Variants in HCN1 observed in about 807,000 individuals in gnomAD.
The protein encoded by HCN1 is potassium/sodium hyperpolarization-activated cyclic nucleotide-gated channel 1.
HCN1 carries 13 observed loss-of-function variants against 78.9 expected under a neutral mutation model. The ratio of observed to expected loss-of-function variants is 0.16; its 90% CI spans 0.11 to 0.26. The LOEUF is 0.26. Among genes scored for constraint, HCN1 ranks in the 10% least tolerant of loss-of-function variants. The pLI is 1.00. For missense variants in HCN1, 810 were observed against 1,154.3 expected, an observed-to-expected ratio of 0.70 and a Z score of 4.32; for synonymous variants, 552 against 455.5, an observed-to-expected ratio of 1.21 and a Z score of -2.70.
At position 45,362,888 on chromosome 5, in the gene HCN1, T is replaced by C. The variant is rs568080753; in HGVS notation, c.1231-9642A>G. Among the ~76,000 whole-genome samples the C allele has an allele frequency of 2.0e-3, 310 of 151,960 alleles. 2 individuals are homozygous for C. Among genetic ancestry groups the C allele is most frequent in the Non-Finnish European group, 7.2e-4 (49 of 67,966 alleles). ...TACTTACCATCCTATTTTTCTTCTC[T>C]CCTTTCTCAACCAGTTTCTTGAAAG... On this transcript the variant is annotated intron_variant, in intron 4 of 7. Coordinates refer to ENST00000303230, the MANE Select transcript of HCN1 (RefSeq NM_021072.4).
At chr5:45,430,147 A>G (rs2112076068) in intron 3 of HCN1, among the ~76,000 whole-genome samples, 1 of 152,342 alleles carries the variant, frequency 6.6e-6, no homozygotes, top group East Asian at 1.9e-4. Flanking sequence ...AACATTCATC[A>G]AATTATCTGT....
intron 4 of HCN1, among the ~76,000 whole-genome samples, chr5:45,362,154 TTGTGTGTGTG>T (rs200176463): frequency 3.4e-4 from 48 of 142,560 alleles, no homozygotes; most frequent in African/African-American, 5.1e-5. Context: ...GTGTGTGTGT[TTGTGTGTGTG>T]TGTGTGTGTG....
intron 2 of HCN1, among the ~76,000 whole-genome samples, chr5:45,580,943 G>T (rs1028141762): frequency 5.3e-5 from 8 of 152,264 alleles, no homozygotes; most frequent in African/African-American, 1.9e-4. Context: ...ATCATTGTTG[G>T]ACATTTGAGT....
chr5:45,444,207 G>C (rs1427078800), intron 3 of HCN1, among the ~76,000 whole-genome samples: 2 of 152,122 alleles, frequency 1.3e-5, no homozygotes, highest in Non-Finnish European at 2.9e-5. Context: ...AATCAAGTGA[G>C]TTCAGTAAGA....
intron 2 of HCN1, among the ~76,000 whole-genome samples, chr5:45,528,346 T>C (rs896476155): frequency 1.1e-4 from 17 of 152,114 alleles, no homozygotes; most frequent in Admixed American, 7.9e-4. Flanking sequence ...TTTAGTGTTT[T>C]AGAGTTATAT....
intron 5 of HCN1, among the ~76,000 whole-genome samples, chr5:45,351,777 T>A (rs1176598275): frequency 6.7e-6 from 1 of 149,640 alleles, no homozygotes; most frequent in Admixed American, 6.6e-5. Context: ...CATGAAAAAA[T>A]GCTCATCATC....
chr5:45,519,442 A>T (rs945634161), intron 2 of HCN1, among the ~76,000 whole-genome samples: 4 of 152,056 alleles, frequency 2.6e-5, no homozygotes, highest in African/African-American at 4.8e-5. Context: ...AAAGTAGGCC[A>T]TAGTAGTTCT....
At chr5:45,571,743 C>T (rs1390058707) in intron 2 of HCN1, among the ~76,000 whole-genome samples, 1 of 151,906 alleles carries the variant, frequency 6.6e-6, no homozygotes, top group African/African-American at 2.4e-5. Context: ...GGTGAAACCC[C>T]GTCTCTACTA....
intron 6 of HCN1, among the ~76,000 whole-genome samples, chr5:45,299,190 G>T (rs966780593): frequency 6.6e-6 from 1 of 151,958 alleles, no homozygotes; most frequent in Non-Finnish European, 1.5e-5. Context: ...AGGACATTGG[G>T]TAAAGACTGG....
intron 2 of HCN1, among the ~76,000 whole-genome samples, chr5:45,491,500 G>T (rs1741885895): frequency 6.6e-6 from 1 of 151,962 alleles, no homozygotes; most frequent in Non-Finnish European, 1.5e-5. Context: ...CCAAACCTTT[G>T]CCACTTTTTC....
chr5:45,581,019 G>C (rs1451809636), intron 2 of HCN1, among the ~76,000 whole-genome samples: 1 of 152,162 alleles, frequency 6.6e-6, no homozygotes, highest in East Asian at 1.9e-4. Context: ...TGTCTTTATA[G>C]CAGCATGTTT....
At position 45,696,004 on chromosome 5, in the gene HCN1, C is replaced by A. The variant is rs1290982240; in HGVS notation, c.90G>T (p.Ala30=). The A allele has an allele frequency of 6.2e-6, 8 of 1,299,544 alleles. No individual in the cohort carries two copies. The highest frequency in any genetic ancestry group is 3.7e-5 in the East Asian group (1 of 27,032). 80.5% of individuals were successfully genotyped at this position (1,299,544 alleles called of 1,614,324 possible). ...GGCGCTTCTCGGCCGCGGCCGGCCC[C>A]GCGCCCGTCGCGGACGCCTTGGCGG... The part of the protein sequence containing the change: ...VFPAKASATG[A]GPAAAEKRLG... Residue 30 remains alanine, a synonymous_variant, in exon 1 of 8, where the codon GCG becomes GCT. Transcript: ENST00000303230.
intron 6 of HCN1, among the ~76,000 whole-genome samples, chr5:45,288,277 G>A (rs1371516576): frequency 1.3e-5 from 2 of 151,948 alleles, no homozygotes; most frequent in East Asian, 3.9e-4. Context: ...TTTTTAAATT[G>A]CTAAGTGCTT....
intron 4 of HCN1, among the ~76,000 whole-genome samples, chr5:45,376,236 C>CTATATAGAATATAGAA (rs1443601098): frequency 7.2e-5 from 2 of 27,948 alleles, no homozygotes; most frequent in South Asian, 8.5e-4. Flanking sequence ...AATATATATT[C>CTATATAGAATATAGAA]TATATATTCT....
At chr5:45,278,367 G>C (rs570908361) in intron 6 of HCN1, among the ~76,000 whole-genome samples, 1 of 152,024 alleles carries the variant, frequency 6.6e-6, no homozygotes, top group East Asian at 1.9e-4. Context: ...CATAGAGGAC[G>C]ACTGGGAATC....
intron 1 of HCN1, among the ~76,000 whole-genome samples, chr5:45,658,908 G>A (rs1342643534): frequency 6.8e-6 from 1 of 146,570 alleles, no homozygotes; most frequent in East Asian, 2.1e-4. Context: ...GGCTTGCTTA[G>A]GTAAACAAAG....
At chr5:45,380,630 T>TA (rs932758667) in intron 4 of HCN1, among the ~76,000 whole-genome samples, 1 of 151,948 alleles carries the variant, frequency 6.6e-6, no homozygotes, top group African/African-American at 2.4e-5. Context: ...TGACAAAAAA[T>TA]AAAAACTAGA....
chr5:45,332,806 C>T (rs1465288630), intron 5 of HCN1, among the ~76,000 whole-genome samples: 1 of 151,596 alleles, frequency 6.6e-6, no homozygotes, highest in East Asian at 1.9e-4. Context: ...CACGTTGTTG[C>T]AAATAACAGG....
At chr5:45,627,578 A>G (rs1007885515) in intron 2 of HCN1, among the ~76,000 whole-genome samples, 1 of 152,210 alleles carries the variant, frequency 6.6e-6, no homozygotes, top group African/African-American at 2.4e-5. Flanking sequence ...AAATAACAGT[A>G]GATGGCAAAT....
Sources: allele counts gnomAD v4.1 joint callset (sites outside exome capture counted in the v4.1 genomes callset), GRCh38; gene constraint gnomAD v4.1.1; transcripts MANE v1.5; gene names NCBI Gene and HGNC (gene_info 2026-07-23, HGNC 2026-07-21).